The following DIAPH3 variants were observed in gnomAD, a reference collection of about 807,000 sequenced individuals.
DIAPH3 encodes the protein diaphanous related formin 3.
Under a neutral mutation model 144.3 loss-of-function variants are expected in DIAPH3, and 117 were observed. That is an observed-to-expected ratio of 0.81 (90% CI 0.70 to 0.95). DIAPH3 has a LOEUF of 0.95. Ranked by LOEUF, DIAPH3 falls within the 40% of genes least tolerant of loss-of-function variation. DIAPH3 has a pLI of 0.00. For synonymous variants in DIAPH3, 519 were observed against 488.9 expected, an observed-to-expected ratio of 1.06 and a Z score of -0.81; for missense variants, 1,421 against 1,412.7, an observed-to-expected ratio of 1.01 and a Z score of -0.09.
intron 27 of DIAPH3, among the ~76,000 whole-genome samples, chr13:59,684,931 G>A (rs1308382427): frequency 1.3e-5 from 2 of 152,116 alleles, no homozygotes; most frequent in Admixed American, 6.6e-5. Context: ...GGGATAAGGT[G>A]GGTGGATATC....
chr13:60,137,028 T>G (rs1451902174), intron 1 of DIAPH3, among the ~76,000 whole-genome samples: 1 of 152,210 alleles, frequency 6.6e-6, no homozygotes, highest in African/African-American at 2.4e-5. Flanking sequence ...ATATGAGGGC[T>G]CTTTTCCTAA....
At chr13:59,843,032 A>G (rs138545550) in intron 22 of DIAPH3, among the ~76,000 whole-genome samples, 66 of 152,288 alleles carry the variant, frequency 4.3e-4, no homozygotes, top group Admixed American at 1.7e-3. Flanking sequence ...ATTGGGTATA[A>G]GCCCACAGTT....
At chr13:59,715,916 A>C (rs11620434) in intron 27 of DIAPH3, among the ~76,000 whole-genome samples, 6,530 of 152,134 alleles carry the variant, frequency 0.043, 195 homozygotes, top group Middle Eastern at 0.099. Context: ...GATACTACTG[A>C]GCACTTCTAA....
At chr13:60,159,461 A>G (rs1952184408) in intron 1 of DIAPH3, among the ~76,000 whole-genome samples, 1 of 151,990 alleles carries the variant, frequency 6.6e-6, no homozygotes, top group South Asian at 2.1e-4. Context: ...CCTCATCTCT[A>G]CTAAAAATAC....
At chr13:60,151,207 A>C (rs1331325322) in intron 1 of DIAPH3, among the ~76,000 whole-genome samples, 1 of 152,230 alleles carries the variant, frequency 6.6e-6, no homozygotes, top group African/African-American at 2.4e-5. Context: ...TATTAATAAT[A>C]GTTGTCACAT....
At chr13:59,917,461 C>A (rs1228088430) in intron 18 of DIAPH3, among the ~76,000 whole-genome samples, 1 of 152,146 alleles carries the variant, frequency 6.6e-6, no homozygotes, top group Non-Finnish European at 1.5e-5. Flanking sequence ...AGGGCATCAT[C>A]TGTATTCATA....
intron 24 of DIAPH3, among the ~76,000 whole-genome samples, chr13:59,814,204 T>G (rs1262860414): frequency 6.6e-6 from 1 of 152,194 alleles, no homozygotes; most frequent in African/African-American, 2.4e-5. Flanking sequence ...ATAGGCAATC[T>G]GCTATCAGAT....
chr13:59,705,037 A>G (rs2138781753), intron 27 of DIAPH3, among the ~76,000 whole-genome samples: 1 of 152,320 alleles, frequency 6.6e-6, no homozygotes, highest in African/African-American at 2.4e-5. Context: ...TTAAATAAAA[A>G]TGAACTGATT....
At chr13:59,958,029 G>A (rs919679030) in intron 17 of DIAPH3, among the ~76,000 whole-genome samples, 1 of 152,184 alleles carries the variant, frequency 6.6e-6, no homozygotes, top group Non-Finnish European at 1.5e-5. Context: ...TGATAGAAGA[G>A]TGGACTGGAA....
chr13:59,792,598 C>A (rs1291920704), intron 25 of DIAPH3, among the ~76,000 whole-genome samples: 2 of 152,170 alleles, frequency 1.3e-5, no homozygotes, highest in African/African-American at 4.8e-5. Flanking sequence ...TGTTTTACTT[C>A]CAATAACTTG....
chr13:59,873,750 T>A (rs1291026402), intron 21 of DIAPH3, among the ~76,000 whole-genome samples: 1 of 143,668 alleles, frequency 7.0e-6, no homozygotes, highest in Non-Finnish European at 1.5e-5. Flanking sequence ...CACTGCAACC[T>A]CCGCCTCCCG....
At chr13:60,083,628 G>A (rs2057639703) in intron 4 of DIAPH3, among the ~76,000 whole-genome samples, 1 of 151,958 alleles carries the variant, frequency 6.6e-6, no homozygotes, top group Non-Finnish European at 1.5e-5. Flanking sequence ...AAGACATAGA[G>A]ATAATCCAAA....
intron 17 of DIAPH3, among the ~76,000 whole-genome samples, chr13:59,937,088 G>A (rs571063084): frequency 2.6e-5 from 4 of 151,704 alleles, no homozygotes; most frequent in Non-Finnish European, 5.9e-5. Flanking sequence ...GCTTGAAACC[G>A]GGAGGCAGAG....
At chr13:59,774,473 G>C (rs1047292000) in intron 26 of DIAPH3, among the ~76,000 whole-genome samples, 20 of 152,274 alleles carry the variant, frequency 1.3e-4, no homozygotes, top group African/African-American at 4.8e-4. Context: ...CTTTAGATGA[G>C]ACTTGTCACA....
At chr13:60,092,674 T>TA (rs1188623752) in intron 4 of DIAPH3, among the ~76,000 whole-genome samples, 3 of 149,790 alleles carry the variant, frequency 2.0e-5, no homozygotes, top group Non-Finnish European at 3.0e-5. Flanking sequence ...AAAGTGCCGC[T>TA]AAAAAAAGCA....
intron 13 of DIAPH3, 38 bp downstream of exon 13, chr13:59,983,731 G>T: frequency 7.3e-7 from 1 of 1,360,740 alleles, no homozygotes; most frequent in Non-Finnish European, 1.0e-6. Flanking sequence ...TAGAATAAGA[G>T]ACAATAAGAT....
intron 21 of DIAPH3, among the ~76,000 whole-genome samples, chr13:59,868,019 C>G (rs1192269695): frequency 2.6e-5 from 4 of 152,108 alleles, no homozygotes; most frequent in Non-Finnish European, 5.9e-5. Context: ...AACACTCTCA[C>G]CAAGAACAAG....
rs1418111322 is a variant in DIAPH3 at position 59,789,733 on chromosome 13, G to A, written c.3164-14910C>T. On this transcript the variant is annotated intron_variant, in intron 25 of 27. Transcript: ENST00000400324. ...CGCACTGGAAGAAGGGGAAAATAAG[G>A]TCAGGAAGGCAGACTGGGAGCTTGG... is the stretch of plus-strand genomic sequence containing the variant. Among the ~76,000 whole-genome samples the A allele has an allele frequency of 2.0e-5, 3 of 152,116 alleles. No individual in the cohort carries two copies. The East Asian group carries it at 5.8e-4, about 29-fold the overall frequency.
chr13:59,774,296 C>G (rs1203969691), intron 26 of DIAPH3, 48 bp from the exon 27 acceptor site: 2 of 1,499,432 alleles, frequency 1.3e-6, no homozygotes. Context: ...GTCTGGGCAT[C>G]TCAAGAAGGA....
Sources: gnomAD v4.1 joint callset for allele counts (sites outside exome capture counted in the v4.1 genomes callset) on GRCh38, gnomAD v4.1.1 for gene constraint, MANE v1.5 for transcripts, NCBI Gene and HGNC (gene_info 2026-07-23, HGNC 2026-07-21) for gene names.